The following CCND2 variants were observed in gnomAD, a reference collection of about 807,000 sequenced individuals.
CCND2 encodes the protein cyclin D2, also known as G1/S-specific cyclin-D2.
A neutral mutation model predicts 30.2 loss-of-function variants in CCND2; 6 were observed. That is an observed-to-expected ratio of 0.20 (90% CI 0.11 to 0.39). CCND2 has a LOEUF of 0.39. Ranked by LOEUF, CCND2 falls within the 10% of genes least tolerant of loss-of-function variation. The probability of loss-of-function intolerance (pLI) is 1.00; values close to 1 mark genes in which losing one functional copy is unlikely to be tolerated. For missense variants in CCND2, 235 were observed against 373.4 expected, an observed-to-expected ratio of 0.63 and a Z score of 3.06; for synonymous variants, 150 against 153.1, an observed-to-expected ratio of 0.98 and a Z score of 0.15.
rs1346679050 is a variant in CCND2, at chr12:4,305,133, T to C, written c.*5124T>C. On this transcript the variant is annotated 3_prime_UTR_variant, in exon 5 of 5. Coordinates refer to ENST00000261254, the MANE Select transcript of CCND2 (RefSeq NM_001759.4). This position sits in a 1 kb window ranked among gnomAD's most constrained non-coding sequence, Gnocchi z 6.4. ...AAGTGCTGATAAGTAGCATGATCAG[T>C]GTATGCGAAAAGGTTTTTAGGAAGT... 2 of 233,502 alleles carry C rather than the reference T, an allele frequency of 8.6e-6. No homozygotes were observed. The highest frequency in any genetic ancestry group is 1.7e-5 in the Non-Finnish European group (2 of 118,030). 14.5% of individuals were successfully genotyped at this position (233,502 alleles called of 1,614,324 possible).
At chr12:4,280,374 C>T (rs936267437) in intron 3 of CCND2, among the ~76,000 whole-genome samples, 1 of 152,256 alleles carries the variant, frequency 6.6e-6, no homozygotes, top group Non-Finnish European at 1.5e-5. Flanking sequence ...CCTCCCGGCC[C>T]CCTGCCTGTT....
At chr12:4,280,565 G>A (rs1218516454) in intron 3 of CCND2, among the ~76,000 whole-genome samples, 1 of 152,094 alleles carries the variant, frequency 6.6e-6, no homozygotes, top group Non-Finnish European at 1.5e-5. Flanking sequence ...TTTGGATAGT[G>A]GTCACTCTGG....
At chr12:4,277,780 A>T (rs1442893473) in intron 2 of CCND2, among the ~76,000 whole-genome samples, 5 of 152,224 alleles carry the variant, frequency 3.3e-5, no homozygotes. Flanking sequence ...CTCCAGGTGA[A>T]TGGGAGAGAG....
chr12:4,285,883 TAGCGCCGCTCTGTGGAG>T lies in CCND2; in HGVS notation c.572-2956_572-2940del, dbSNP rs1287698772. ...GGGCAGCCCTGGTGCCACGGGGAAG[TAGCGCCGCTCTGTGGAG>T]AGGGCTGCTTTGTGAATTTGCCGGC... On this transcript the variant is annotated intron_variant, in intron 3 of 4. Coordinates refer to ENST00000261254, the MANE Select transcript of CCND2 (RefSeq NM_001759.4). The surrounding 1 kb of genome is among the most constrained non-coding windows in gnomAD (Gnocchi z 4.1). Among the ~76,000 whole-genome samples, 1 of 152,206 alleles carries T rather than the reference TAGCGCCGCTCTGTGGAG, an allele frequency of 6.6e-6. No individual in the cohort carries two copies. Among genetic ancestry groups the T allele is most frequent in the African/African-American group, 2.4e-5 (1 of 41,446 alleles).
intron 1 of CCND2, 37 bp from the exon 2 acceptor site, chr12:4,275,968 A>T (rs1452482546): frequency 2.6e-6 from 3 of 1,169,822 alleles, no homozygotes; most frequent in African/African-American, 1.6e-5. Context: ...TATGCTCTCC[A>T]CCCCCGCCCC....
At chr12:4,281,650 C>T (rs1863949955) in intron 3 of CCND2, among the ~76,000 whole-genome samples, 1 of 152,090 alleles carries the variant, frequency 6.6e-6, no homozygotes, top group Non-Finnish European at 1.5e-5. Context: ...AGATGGCCGC[C>T]AACCCTCAGG....
In CCND2 at chr12:4,304,404, T is replaced by C. The variant is rs1273169907; in HGVS notation, c.*4395T>C. 1 of 233,594 alleles carries C rather than the reference T, an allele frequency of 4.3e-6. No individual in the cohort carries two copies. The highest frequency in any genetic ancestry group is 8.5e-6 in the Non-Finnish European group (1 of 118,048). The allele number at this position is 233,594 out of a possible 1,614,324, so 14.5% of individuals were successfully genotyped here. A position where few individuals can be genotyped will look rare whatever the true frequency, so the allele number is the denominator to read the frequency against. ...CAACAAACCCTCTGTAGCTATAGAATGAGTGCAGGTTTCTATTGGTGTGGA... is the reference window on the plus strand; with the variant it reads ...CAACAAACCCTCTGTAGCTATAGAACGAGTGCAGGTTTCTATTGGTGTGGA... On this transcript the variant is annotated 3_prime_UTR_variant, in exon 5 of 5. Transcript: ENST00000261254. This position sits in a 1 kb window ranked among gnomAD's most constrained non-coding sequence, Gnocchi z 6.2.
At chr12:4,295,881 C>T (rs955087676) in intron 4 of CCND2, among the ~76,000 whole-genome samples, 4 of 152,224 alleles carry the variant, frequency 2.6e-5, no homozygotes, top group Non-Finnish European at 4.4e-5. Context: ...ATGAAACCTT[C>T]CTCTGTTTTA....
At position 4,299,771 on chromosome 12, in the gene CCND2, A is replaced by G. The variant is rs1412201909; in HGVS notation, c.721-89A>G. ...TTCTACTGGAAACTAGCACAGACTT[A>G]TGCAAGCTAAATTACGCATGTTTTC... On this transcript the variant is annotated intron_variant, in intron 4 of 4. Coordinates refer to ENST00000261254, the MANE Select transcript of CCND2 (RefSeq NM_001759.4). This position sits in a 1 kb window ranked among gnomAD's most constrained non-coding sequence, Gnocchi z 5.2. 1.6e-6 allele frequency: 2 copies of G among 1,288,632 alleles called. No individual in the cohort carries two copies. Among genetic ancestry groups the G allele is most frequent in the Non-Finnish European group, 2.2e-6 (2 of 920,014 alleles). 79.8% of individuals were successfully genotyped at this position (1,288,632 alleles called of 1,614,324 possible). A position where few individuals can be genotyped will look rare whatever the true frequency, so the allele number is the denominator to read the frequency against.
chr12:4,302,537 G>A lies in CCND2; in HGVS notation c.*2528G>A, dbSNP rs79512920. The stretch of plus-strand genomic sequence containing the variant: ...GCAGGTTTCCTAGGTCTGAATCTGC[G>A]AGTAGATGAACCTGCAGCAAGCAGC... On this transcript the variant is annotated 3_prime_UTR_variant, in exon 5 of 5. Transcript: ENST00000261254. The A allele has an allele frequency of 0.013, 3,085 of 233,066 alleles. 37 individuals are homozygous for A. The highest frequency in any genetic ancestry group is 0.032 in the African/African-American group (1,472 of 45,416). The allele number at this position is 233,066 out of a possible 1,614,324, so 14.4% of individuals were successfully genotyped here. A position where few individuals can be genotyped will look rare whatever the true frequency, so the allele number is the denominator to read the frequency against.
Position 4,282,455 on chromosome 12 carries a change from G to A in CCND2, c.571+3536G>A, listed in dbSNP as rs1863962149. Among the ~76,000 whole-genome samples, 1 of 152,216 alleles carries A rather than the reference G, an allele frequency of 6.6e-6. No homozygotes were observed. The highest frequency in any genetic ancestry group is 2.1e-4 in the South Asian group (1 of 4,836). ...GTTCCCTCAGATTCCATCGCCAAGT[G>A]AGAGGGAGACAGTGGTGGCCCAGAG... is the stretch of plus-strand genomic sequence containing the variant. On this transcript the variant is annotated intron_variant, in intron 3 of 4. Coordinates refer to ENST00000261254, the MANE Select transcript of CCND2 (RefSeq NM_001759.4). The surrounding 1 kb of genome is among the most constrained non-coding windows in gnomAD (Gnocchi z 4.3).
chr12:4,290,721 G>C (rs1256702316), intron 4 of CCND2, among the ~76,000 whole-genome samples: 3 of 152,172 alleles, frequency 2.0e-5, no homozygotes, highest in Non-Finnish European at 4.4e-5. Flanking sequence ...ATGGACAGTG[G>C]TGGAAATTTC....
rs1864239378 is a variant in CCND2 at position 4,300,931 on chromosome 12, G to C, written c.*922G>C. 1 of 233,712 alleles carries C rather than the reference G, an allele frequency of 4.3e-6. No individual in the cohort carries two copies. Among genetic ancestry groups the C allele is most frequent in the Non-Finnish European group, 8.5e-6 (1 of 118,038 alleles). 14.5% of individuals were successfully genotyped at this position (233,712 alleles called of 1,614,324 possible). On this transcript the variant is annotated 3_prime_UTR_variant, in exon 5 of 5. Transcript: ENST00000261254. ...ACTAATTTTTGGTGCTGATTGGCAT[G>C]TCTGGTTCACAGTTTAGCATTGTTA...
Position 4,299,090 on chromosome 12 carries a change from G to A in CCND2, c.721-770G>A, listed in dbSNP as rs940558064. Among the ~76,000 whole-genome samples the A allele has an allele frequency of 3.3e-5, 5 of 152,266 alleles. No homozygotes were observed. In the South Asian group the frequency reaches 6.2e-4, roughly 19 times the overall value. On this transcript the variant is annotated intron_variant, in intron 4 of 4. Coordinates refer to ENST00000261254, the MANE Select transcript of CCND2 (RefSeq NM_001759.4). The surrounding 1 kb of genome is among the most constrained non-coding windows in gnomAD (Gnocchi z 5.2). ...TTTTTAAGTATTTACAGTGAGGCGC[G>A]GTGGCTCATGCCTGTAATCCCAGCA...
intron 4 of CCND2, among the ~76,000 whole-genome samples, chr12:4,294,519 T>C (rs1864141527): frequency 6.6e-6 from 1 of 152,330 alleles, no homozygotes; most frequent in African/African-American, 2.4e-5. Context: ...TTAGAGGCGC[T>C]TTCGTGTTTT....
chr12:4,299,828 A>C lies in CCND2; in HGVS notation c.721-32A>C. 3 of 1,601,812 alleles carry C rather than the reference A, an allele frequency of 1.9e-6. No homozygotes were observed. Among genetic ancestry groups the C allele is most frequent in the Non-Finnish European group, 2.6e-6 (3 of 1,171,020 alleles). On this transcript the variant is annotated intron_variant, in intron 4 of 4. Coordinates refer to ENST00000261254, the MANE Select transcript of CCND2 (RefSeq NM_001759.4). This position sits in a 1 kb window ranked among gnomAD's most constrained non-coding sequence, Gnocchi z 5.2. ...GGATGCTCTATGTCCTGTTCCTCTTACTAACAACTCTGGTCTGGACCATTG... is the reference window on the plus strand; with the variant it reads ...GGATGCTCTATGTCCTGTTCCTCTTCCTAACAACTCTGGTCTGGACCATTG...
chr12:4,278,606 G>T, intron 2 of CCND2, 154 bp from the exon 3 acceptor site: 1 of 592,034 alleles, frequency 1.7e-6, no homozygotes, highest in South Asian at 2.3e-5. Flanking sequence ...CAAAGCTTCA[G>T]GGGCACATTG....
At chr12:4,298,673 A>T (rs1207105128) in intron 4 of CCND2, among the ~76,000 whole-genome samples, 1 of 152,272 alleles carries the variant, frequency 6.6e-6, no homozygotes, top group Non-Finnish European at 1.5e-5. Context: ...GAAAAGACAC[A>T]GGGAGGTTCA....
chr12:4,298,445 G>A (rs1864204625), intron 4 of CCND2, among the ~76,000 whole-genome samples: 1 of 152,174 alleles, frequency 6.6e-6, no homozygotes, highest in African/African-American at 2.4e-5. Flanking sequence ...TCGGGAGCTT[G>A]CTGTGTTGTC....
Sources: gnomAD v4.1 joint callset for allele counts (sites outside exome capture counted in the v4.1 genomes callset) on GRCh38, gnomAD v4.1.1 for gene constraint, Gnocchi (gnomAD v3.1) non-coding constraint, MANE v1.5 for transcripts, NCBI Gene and HGNC (gene_info 2026-07-23, HGNC 2026-07-21) for gene names.